Variants in ZMAT4 observed in about 807,000 individuals in gnomAD.
ZMAT4 encodes the protein zinc finger matrin-type 4.
In ZMAT4, 17 loss-of-function variants were observed where a neutral mutation model predicts 28.7. The observed-to-expected ratio is 0.59, with a 90% CI of 0.41 to 0.89. The LOEUF (loss-of-function observed/expected upper bound fraction) is 0.89. Ranked by LOEUF, ZMAT4 falls within the 40% of genes least tolerant of loss-of-function variation. The pLI is 0.00. For synonymous variants in ZMAT4, 117 were observed against 109.2 expected (o/e 1.07, Z -0.44); for missense variants, 240 against 283.8 (o/e 0.85, Z 1.11).
At chr8:40,711,117 C>A (rs1231474895) in intron 3 of ZMAT4, among the ~76,000 whole-genome samples, 1 of 152,182 alleles carries the variant, frequency 6.6e-6, no homozygotes, top group South Asian at 2.1e-4. Context: ...TACATGAATT[C>A]ATAGTAATAT....
chr8:40,744,897 A>C (rs1812154907), intron 3 of ZMAT4, among the ~76,000 whole-genome samples: 1 of 152,224 alleles, frequency 6.6e-6, no homozygotes, highest in South Asian at 2.1e-4. Flanking sequence ...CTTTAGGAGA[A>C]AATGCACCAG....
At chr8:40,696,701 C>T (rs906567778) in intron 4 of ZMAT4, among the ~76,000 whole-genome samples, 2 of 151,994 alleles carry the variant, frequency 1.3e-5, no homozygotes, top group East Asian at 1.9e-4. Context: ...CACAGGATCC[C>T]CTGCAAAGAT....
intron 5 of ZMAT4, among the ~76,000 whole-genome samples, chr8:40,626,498 C>T (rs964097858): frequency 3.9e-5 from 6 of 152,110 alleles, no homozygotes; most frequent in Non-Finnish European, 7.4e-5. Flanking sequence ...GTGTTAGGGC[C>T]CAGGGCAGAC....
At chr8:40,720,209 T>A (rs1811020038) in intron 3 of ZMAT4, among the ~76,000 whole-genome samples, 1 of 152,184 alleles carries the variant, frequency 6.6e-6, no homozygotes, top group Non-Finnish European at 1.5e-5. Flanking sequence ...TAAAAGCAAT[T>A]CCATTCAGGT....
At chr8:40,657,100 G>A (rs112764759) in intron 5 of ZMAT4, among the ~76,000 whole-genome samples, 6 of 152,122 alleles carry the variant, frequency 3.9e-5, no homozygotes, top group Admixed American at 1.3e-4. Flanking sequence ...ATGCAATCTC[G>A]GCTCACTGCA....
At chr8:40,693,965 C>T (rs1419108670) in intron 4 of ZMAT4, among the ~76,000 whole-genome samples, 1 of 152,204 alleles carries the variant, frequency 6.6e-6, no homozygotes, top group East Asian at 1.9e-4. Context: ...AGAAATCACC[C>T]CAGTTCAAGA....
intron 1 of ZMAT4, among the ~76,000 whole-genome samples, chr8:40,861,713 A>G (rs990657338): frequency 1.3e-5 from 2 of 152,224 alleles, no homozygotes; most frequent in African/African-American, 4.8e-5. Context: ...GGACTCAAAC[A>G]AATTTACAAG....
At chr8:40,623,805 G>A (rs149571686) in intron 5 of ZMAT4, among the ~76,000 whole-genome samples, 17 of 152,324 alleles carry the variant, frequency 1.1e-4, no homozygotes, top group African/African-American at 4.1e-4. Flanking sequence ...CTTCTCCACA[G>A]AAATAGCAGA....
intron 1 of ZMAT4, among the ~76,000 whole-genome samples, chr8:40,837,272 G>C (rs145273561): frequency 9.0e-4 from 137 of 152,304 alleles, no homozygotes; most frequent in African/African-American, 3.1e-3. Context: ...CAGGCTGGAC[G>C]TTGCAGTCCT....
chr8:40,549,466 T>A (rs1366203432), intron 6 of ZMAT4, among the ~76,000 whole-genome samples: 1 of 152,182 alleles, frequency 6.6e-6, no homozygotes, highest in Non-Finnish European at 1.5e-5. Flanking sequence ...AATGCTTCAC[T>A]GTCCAAATCT....
chr8:40,857,006 A>G (rs1244022299), intron 1 of ZMAT4, among the ~76,000 whole-genome samples: 1 of 152,192 alleles, frequency 6.6e-6, no homozygotes, highest in African/African-American at 2.4e-5. Flanking sequence ...TAAAGGTTTG[A>G]AAATCCTGCT....
chr8:40,773,738 A>T (rs1411056824), intron 2 of ZMAT4, among the ~76,000 whole-genome samples: 2 of 152,212 alleles, frequency 1.3e-5, no homozygotes, highest in African/African-American at 4.8e-5. Context: ...AATTCAAAAC[A>T]TCATAGCTTT....
At chr8:40,749,465 C>G (rs2150544891) in intron 3 of ZMAT4, among the ~76,000 whole-genome samples, 1 of 152,278 alleles carries the variant, frequency 6.6e-6, no homozygotes, top group Admixed American at 6.5e-5. Flanking sequence ...AAGCCTATGA[C>G]CTCTCTTTTA....
chr8:40,558,077 TA>T (rs1803604534), intron 6 of ZMAT4, among the ~76,000 whole-genome samples: 1 of 152,014 alleles, frequency 6.6e-6, no homozygotes, highest in South Asian at 2.1e-4. Flanking sequence ...AAACGCCAGT[TA>T]GGCAGGAAAA....
intron 1 of ZMAT4, among the ~76,000 whole-genome samples, chr8:40,851,109 G>A (rs923641053): frequency 6.6e-6 from 1 of 152,076 alleles, no homozygotes; most frequent in Non-Finnish European, 1.5e-5. Context: ...GGCAGATCAC[G>A]TGAGGTCAGG....
At chr8:40,744,132 T>C (rs997750852) in intron 3 of ZMAT4, among the ~76,000 whole-genome samples, 12 of 152,216 alleles carry the variant, frequency 7.9e-5, no homozygotes, top group African/African-American at 2.9e-4. Context: ...GGCCTCTTTA[T>C]GACAAGTCCC....
chr8:40,869,429 A>G (rs749139621), intron 1 of ZMAT4, among the ~76,000 whole-genome samples: 7 of 152,186 alleles, frequency 4.6e-5, no homozygotes, highest in Non-Finnish European at 1.0e-4. Context: ...TTGGTGTCGG[A>G]CAGATCTAGA....
intron 1 of ZMAT4, among the ~76,000 whole-genome samples, chr8:40,890,109 TTAC>T (rs759453039): frequency 6.6e-5 from 10 of 152,248 alleles, no homozygotes; most frequent in Non-Finnish European, 1.3e-4. Context: ...CATATTTTTC[TTAC>T]TTCTTTTGTT....
chr8:40,595,186 G>A (rs192866286), intron 5 of ZMAT4, among the ~76,000 whole-genome samples: 6 of 152,216 alleles, frequency 3.9e-5, no homozygotes, highest in Non-Finnish European at 5.9e-5. Flanking sequence ...CAACCTCTGC[G>A]AACAATGCCA....
Sources: allele counts gnomAD v4.1 joint callset (sites outside exome capture counted in the v4.1 genomes callset), GRCh38; gene constraint gnomAD v4.1.1; transcripts MANE v1.5; gene names NCBI Gene and HGNC (gene_info 2026-07-23, HGNC 2026-07-21).